ATP1A4: variants seen among roughly 807,000 people sequenced by gnomAD.
ATP1A4 encodes sodium/potassium-transporting ATPase subunit alpha-4.
A neutral mutation model predicts 114.3 loss-of-function variants in ATP1A4; 90 were observed. The ratio of observed to expected loss-of-function variants is 0.79; its 90% CI spans 0.66 to 0.94. The LOEUF (loss-of-function observed/expected upper bound fraction) is 0.94. ATP1A4 is among the 40% of genes least tolerant of loss of function. The probability of loss-of-function intolerance (pLI) is 0.00; values close to 1 mark genes in which losing one functional copy is unlikely to be tolerated. For missense variants in ATP1A4, 1,222 were observed against 1,313.6 expected, an observed-to-expected ratio of 0.93 and a Z score of 1.08; for synonymous variants, 511 against 494.1, an observed-to-expected ratio of 1.03 and a Z score of -0.45.
At chr1:160,180,473 C>CTT (rs1653643548) in intron 18 of ATP1A4, among the ~76,000 whole-genome samples, 1 of 152,176 alleles carries the variant, frequency 6.6e-6, no homozygotes, top group Non-Finnish European at 1.5e-5. Context: ...GTCTCTCTCT[C>CTT]ATAACCTGTC....
chr1:160,160,597 C>G (rs1368567996), intron 6 of ATP1A4, among the ~76,000 whole-genome samples: 1 of 151,972 alleles, frequency 6.6e-6, no homozygotes, highest in African/African-American at 2.4e-5. Flanking sequence ...CGCACAATAC[C>G]AGATATTATC....
intron 18 of ATP1A4, 83 bp downstream of exon 18, chr1:160,177,747 A>G (rs1050656391): frequency 3.6e-5 from 55 of 1,520,598 alleles, no homozygotes; most frequent in Non-Finnish European, 4.9e-5. Flanking sequence ...ATTTTTTAAG[A>G]GAGAAGAAGG....
At chr1:160,184,463 C>T (rs537814649) in intron 20 of ATP1A4, among the ~76,000 whole-genome samples, 9 of 152,228 alleles carry the variant, frequency 5.9e-5, no homozygotes, top group African/African-American at 2.2e-4. Flanking sequence ...AGTAGGATTG[C>T]TTGAGCCCAG....
Position 160,165,570 on chromosome 1 carries a change from T to C in ATP1A4, c.1048-958T>C, listed in dbSNP as rs145109362. ...GTCAGGAGATCGAGACCGTTCTGGC[T>C]AACACGGTGAAACCCCGTCTCTACT... On this transcript the variant is annotated intron_variant, in intron 7 of 21. Coordinates refer to ENST00000368081, the MANE Select transcript of ATP1A4 (RefSeq NM_144699.4). Among the ~76,000 whole-genome samples, 932 of 151,804 alleles carry C rather than the reference T, an allele frequency of 6.1e-3. 6 individuals carry two copies. The highest frequency in any genetic ancestry group is 0.017 in the African/African-American group (699 of 41,396).
chr1:160,154,950 G>C, intron 2 of ATP1A4, 95 bp from the exon 3 acceptor site: 1 of 1,193,314 alleles, frequency 8.4e-7, no homozygotes, highest in Non-Finnish European at 1.2e-6. Flanking sequence ...TTAGTCTCTA[G>C]ACCCATTCTG....
chr1:160,174,356 A>T, intron 14 of ATP1A4, 95 bp downstream of exon 14: 1 of 1,542,268 alleles, frequency 6.5e-7, no homozygotes, highest in African/African-American at 1.4e-5. Context: ...GCTGGGCTAG[A>T]GGAGACTCCA....
chr1:160,176,350 T>G, intron 16 of ATP1A4, 104 bp downstream of exon 16: 1 of 1,585,450 alleles, frequency 6.3e-7, no homozygotes, highest in South Asian at 1.1e-5. Context: ...AACCCACTTA[T>G]GATCCAGCTC....
At chr1:160,176,683 G>T in intron 17 of ATP1A4, 81 bp downstream of exon 17, 1 of 1,568,632 alleles carries the variant, frequency 6.4e-7, no homozygotes. Flanking sequence ...CAGTTTGGAA[G>T]TCAGGGAGAT....
chr1:160,163,245 C>A (rs1305868709), intron 6 of ATP1A4, among the ~76,000 whole-genome samples: 1 of 152,134 alleles, frequency 6.6e-6, no homozygotes, highest in Admixed American at 6.5e-5. Flanking sequence ...GTTCTCCCCA[C>A]CAACAACCAG....
At chr1:160,153,028 C>CAA in intron 1 of ATP1A4, 137 bp from the exon 2 acceptor site, 6 of 666,286 alleles carry the variant, frequency 9.0e-6, no homozygotes, top group Non-Finnish European at 1.3e-5. Context: ...GACTCCATCT[C>CAA]AAAAAAAGAA....
intron 19 of ATP1A4, 33 bp from the exon 20 acceptor site, chr1:160,181,897 C>T: frequency 6.2e-7 from 1 of 1,613,724 alleles, no homozygotes; most frequent in Non-Finnish European, 8.5e-7. Context: ...TTTCTTCTCC[C>T]TCCCCGCCAC....
At chr1:160,180,694 CTTTTTTTTTTTTTTTTTTT>C (rs536915261) in intron 18 of ATP1A4, among the ~76,000 whole-genome samples, 5 of 68,486 alleles carry the variant, frequency 7.3e-5, no homozygotes, top group South Asian at 6.1e-4. Flanking sequence ...GCCTTCTTCC[CTTTTTTTTTTTTTTTTTTT>C]TTTTTTTTTT....
intron 5 of ATP1A4, 68 bp downstream of exon 5, chr1:160,159,204 C>T (rs10908764): frequency 0.84 from 1,306,463 of 1,551,124 alleles, 551,384 homozygotes; most frequent in East Asian, 1. Context: ...ACACCTGGGC[C>T]GTTAGAGAAA....
intron 18 of ATP1A4, among the ~76,000 whole-genome samples, chr1:160,180,840 G>A (rs984955191): frequency 3.3e-5 from 5 of 151,174 alleles, no homozygotes; most frequent in East Asian, 1.9e-4. Flanking sequence ...TCAGCCTCCC[G>A]AGCAGCTGGG....
chr1:160,156,511 G>A (rs1384774003), intron 4 of ATP1A4, among the ~76,000 whole-genome samples: 1 of 152,006 alleles, frequency 6.6e-6, no homozygotes, highest in African/African-American at 2.4e-5. Context: ...AAATATCGAT[G>A]ACCTCAAAGA....
In ATP1A4 at chr1:160,186,854, G is replaced by A. The variant is rs940181371; in HGVS notation, c.*155G>A. On this transcript the variant is annotated 3_prime_UTR_variant, in exon 22 of 22. Transcript: ENST00000368081. The stretch of plus-strand genomic sequence containing the variant: ...CCTGGGCTGGCTTGAGGGAATCATG[G>A]GCAGAGGATGAGGTGGGCTGAAGGG... 4.6e-6 allele frequency: 4 copies of A among 877,034 alleles called. No individual in the cohort carries two copies. Among genetic ancestry groups the A allele is most frequent in the African/African-American group, 1.7e-5 (1 of 60,326 alleles). The allele number at this position is 877,034 out of a possible 1,614,324, so 54.3% of individuals were successfully genotyped here.
At chr1:160,185,157 G>A (rs1653835476) in intron 20 of ATP1A4, among the ~76,000 whole-genome samples, 8 of 151,164 alleles carry the variant, frequency 5.3e-5, no homozygotes, top group Admixed American at 4.0e-4. Flanking sequence ...CTGTCGCCCA[G>A]GCTGGAGTGC....
At chr1:160,166,915 C>A in intron 8 of ATP1A4, 53 bp from the exon 9 acceptor site, 1 of 1,583,108 alleles carries the variant, frequency 6.3e-7, no homozygotes, top group Non-Finnish European at 8.7e-7. Flanking sequence ...TGAATAACCG[C>A]TTGCTTAAAA....
At position 160,186,278 on chromosome 1, in the gene ATP1A4, T is replaced by A; in HGVS notation, c.2972T>A (p.Ile991Lys). The A allele has an allele frequency of 6.2e-7, 1 of 1,610,770 alleles. No homozygotes were observed. Among genetic ancestry groups the A allele is most frequent in the African/African-American group, 1.3e-5 (1 of 74,888 alleles). The change falls in exon 21 of 22, where the codon ATA becomes AAA. Residue 991 changes from isoleucine to lysine, a missense_variant and splice_region_variant. Ile to Lys is a moderately radical substitution (Grantham distance 102). Transcript: ENST00000368081. ...DVALRMYPLKITWWLCAIPYS... is the reference protein window; with the variant it reads ...DVALRMYPLKKTWWLCAIPYS... ...TGACTGGCTCTTGCTCTCTACAGGATAACCTGGTGGCTCTGTGCCATTCCC... is the reference window on the plus strand; with the variant it reads ...TGACTGGCTCTTGCTCTCTACAGGAAAACCTGGTGGCTCTGTGCCATTCCC...
Sources: allele counts gnomAD v4.1 joint callset (sites outside exome capture counted in the v4.1 genomes callset), GRCh38; gene constraint gnomAD v4.1.1; transcripts MANE v1.5; gene names NCBI Gene and HGNC (gene_info 2026-07-23, HGNC 2026-07-21).